Variants in ESPL1 observed in about 807,000 individuals in gnomAD.
ESPL1 encodes separin.
Under a neutral mutation model 217.2 loss-of-function variants are expected in ESPL1, and 50 were observed. The ratio of observed to expected loss-of-function variants is 0.23; its 90% CI spans 0.18 to 0.29. The LOEUF (loss-of-function observed/expected upper bound fraction) is 0.29. Ranked by LOEUF, ESPL1 falls within the 10% of genes least tolerant of loss-of-function variation. The pLI is 1.00. For missense variants in ESPL1, 1,834 were observed against 2,603.0 expected, an observed-to-expected ratio of 0.70 and a Z score of 6.43; for synonymous variants, 994 against 1,081.3, an observed-to-expected ratio of 0.92 and a Z score of 1.58.
chr12:53,277,560 G>C lies in ESPL1; in HGVS notation c.2176G>C (p.Asp726His), dbSNP rs1943792749. The change falls in exon 10 of 31, where the codon GAT (aspartate) becomes CAT (histidine). Residue 726 changes from aspartate (D) to histidine (H), a missense_variant. Transcript: ENST00000257934. Reference protein sequence around the residue: ...DLNYEDKLQEDRFLYSNIAFN... With the variant: ...DLNYEDKLQEHRFLYSNIAFN... ...GAACTATGAAGATAAACTCCAGGAA[G>C]ATCGTTTCCTATACAGTAACATTGC... 2 of 1,614,212 alleles carry C rather than the reference G, an allele frequency of 1.2e-6. No individual in the cohort carries two copies. The highest frequency in any genetic ancestry group is 4.5e-5 in the East Asian group (2 of 44,886).
At chr12:53,285,301 G>T (rs991860289) in intron 17 of ESPL1, among the ~76,000 whole-genome samples, 11 of 152,284 alleles carry the variant, frequency 7.2e-5, no homozygotes, top group Non-Finnish European at 1.3e-4. Context: ...TGAGAAAGTT[G>T]AGAAGTCTAT....
intron 5 of ESPL1, 105 bp downstream of exon 5, chr12:53,270,903 A>G: frequency 1.6e-6 from 2 of 1,284,712 alleles, no homozygotes; most frequent in East Asian, 2.3e-5. Context: ...AGGGTTCCTT[A>G]TGGTTCAAGG....
intron 9 of ESPL1, 58 bp from the exon 10 acceptor site, chr12:53,277,412 C>A (rs748372844): frequency 2.9e-5 from 46 of 1,575,620 alleles, no homozygotes; most frequent in Non-Finnish European, 3.9e-5. Context: ...TGCCGAGTAG[C>A]CAGGACGATA....
At position 53,292,137 on chromosome 12, in the gene ESPL1, C is replaced by T. The variant is rs755837520; in HGVS notation, c.5796+49C>T. ...GGGGATGACTGGCGACTGGGGAAGA[C>T]GTCAACAAAGAAGGGCAGAGAAACC... On this transcript the variant is annotated intron_variant, in intron 27 of 30. Transcript: ENST00000257934. The surrounding 1 kb of genome is among the most constrained non-coding windows in gnomAD (Gnocchi z 4.5). 3.8e-5 allele frequency: 57 copies of T among 1,507,558 alleles called. No homozygotes were observed. In the Middle Eastern group the frequency reaches 5.1e-4, roughly 14 times the overall value. The allele number at this position is 1,507,558 out of a possible 1,614,324, so 93.4% of individuals were successfully genotyped here. A position where few individuals can be genotyped will look rare whatever the true frequency, so the allele number is the denominator to read the frequency against.
At position 53,290,031 on chromosome 12, in the gene ESPL1, G is replaced by A; in HGVS notation, c.5114-54G>A. 13 of 1,587,556 alleles carry A rather than the reference G, an allele frequency of 8.2e-6. No individual in the cohort carries two copies. The South Asian group carries it at 1.1e-4, about 14-fold the overall frequency. On this transcript the variant is annotated intron_variant, in intron 22 of 30. Transcript: ENST00000257934. ...GGATAGGAATTGAGTGCCCAAGACA[G>A]GGAAGGGAATTCCTTTAACAGCTGA...
chr12:53,275,858 G>A (rs1943758340), intron 7 of ESPL1, among the ~76,000 whole-genome samples: 1 of 151,836 alleles, frequency 6.6e-6, no homozygotes, highest in South Asian at 2.1e-4. Flanking sequence ...GAGCCAGTGC[G>A]CCCAGCCTTC....
At chr12:53,276,893 T>A in intron 8 of ESPL1, 34 bp downstream of exon 8, 2 of 1,606,370 alleles carry the variant, frequency 1.2e-6, no homozygotes, top group Non-Finnish European at 1.7e-6. Context: ...CCACTCTTGC[T>A]CCTTGCCCTA....
Position 53,288,038 on chromosome 12 carries a change from C to G in ESPL1, c.4243C>G (p.Pro1415Ala). ...AGCTGAGGCCTGGCTGGCAGAGGAG[C>G]CTAAGAGACGGGGCACTGCTTCCCG... ...VSAEAWLAEE[P>A]KRRGTASRGR... The change falls in exon 19 of 31, where the codon CCT (proline) becomes GCT (alanine). Residue 1415 changes from proline to alanine, a missense_variant. Transcript: ENST00000257934. The G allele has an allele frequency of 6.2e-7, 1 of 1,613,442 alleles. No homozygotes were observed. Among genetic ancestry groups the G allele is most frequent in the Non-Finnish European group, 8.5e-7 (1 of 1,179,948 alleles).
intron 12 of ESPL1, among the ~76,000 whole-genome samples, chr12:53,280,462 C>T (rs930934726): frequency 2.0e-5 from 3 of 152,046 alleles, no homozygotes; most frequent in Admixed American, 6.6e-5. Flanking sequence ...TTTCCATTTC[C>T]ATTTCCATTT....
At chr12:53,288,452 A>G in intron 19 of ESPL1, 86 bp from the exon 20 acceptor site, 1 of 1,527,986 alleles carries the variant, frequency 6.5e-7, no homozygotes, top group Non-Finnish European at 8.8e-7. Flanking sequence ...TCTTTTGCTG[A>G]CTCTAAGGGA....
At chr12:53,279,225 T>A (rs373966725) in intron 11 of ESPL1, among the ~76,000 whole-genome samples, 1 of 152,268 alleles carries the variant, frequency 6.6e-6, no homozygotes, top group South Asian at 2.1e-4. Flanking sequence ...TCAGGGAGTT[T>A]CACAAAATTC....
intron 22 of ESPL1, 28 bp from the exon 23 acceptor site, chr12:53,290,057 A>G (rs2120993637): frequency 6.2e-7 from 1 of 1,604,286 alleles, no homozygotes; most frequent in East Asian, 2.2e-5. Flanking sequence ...TAACAGCTGA[A>G]TGAGTCTGGC....
intron 11 of ESPL1, among the ~76,000 whole-genome samples, chr12:53,279,036 C>A (rs1384131180): frequency 2.0e-5 from 3 of 152,156 alleles, no homozygotes; most frequent in Non-Finnish European, 4.4e-5. Context: ...GGACTACAGG[C>A]GCATACCACC....
intron 7 of ESPL1, among the ~76,000 whole-genome samples, chr12:53,275,811 C>T (rs1943757737): frequency 6.6e-6 from 1 of 151,174 alleles, no homozygotes; most frequent in African/African-American, 2.4e-5. Context: ...AGTGATCCTT[C>T]CACCTTGGCC....
chr12:53,291,962 C>T lies in ESPL1; in HGVS notation c.5692-22C>T, dbSNP rs376887085. The T allele has an allele frequency of 2.9e-5, 46 of 1,611,658 alleles. No homozygotes were observed. The African/African-American group carries it at 5.1e-4, about 18-fold the overall frequency. On this transcript the variant is annotated intron_variant, in intron 26 of 30. Coordinates refer to ENST00000257934, the MANE Select transcript of ESPL1 (RefSeq NM_012291.5). ...GCATATACCTGGCTGGGGACAGTAA[C>T]CTCTTAGTGCTTTTTGCCCAGGACT...
intron 13 of ESPL1, 67 bp downstream of exon 13, chr12:53,281,693 T>C: frequency 6.7e-7 from 1 of 1,482,382 alleles, no homozygotes. Flanking sequence ...TTTCTTGATA[T>C]TTGCCTGGCT....
In ESPL1 at chr12:53,272,876, T is replaced by C. The variant is rs1211365425; in HGVS notation, c.1506+19T>C. The C allele has an allele frequency of 5.6e-6, 9 of 1,612,606 alleles. No individual in the cohort carries two copies. The East Asian group carries it at 2.0e-4, about 36-fold the overall frequency. On this transcript the variant is annotated intron_variant, in intron 6 of 30. Coordinates refer to ENST00000257934, the MANE Select transcript of ESPL1 (RefSeq NM_012291.5). ...TGAGAAGGTACAAGGGAATGAGAGA[T>C]GCAGGAAAGGAGCTTATGTGGTTGG...
At chr12:53,285,027 A>AAT (rs58080274) in intron 17 of ESPL1, among the ~76,000 whole-genome samples, 1 of 136,396 alleles carries the variant, frequency 7.3e-6, no homozygotes, top group South Asian at 2.6e-4. Context: ...AAAAAAAAAA[A>AAT]GAAGAAAGAA....
intron 6 of ESPL1, 94 bp from the exon 7 acceptor site, chr12:53,274,723 A>G (rs753239624): frequency 9.8e-7 from 1 of 1,019,982 alleles, no homozygotes; most frequent in Non-Finnish European, 1.5e-6. Context: ...CCGCCCCCTC[A>G]TGTGGTGTAT....
Sources: gnomAD v4.1 joint callset for allele counts (sites outside exome capture counted in the v4.1 genomes callset) on GRCh38, gnomAD v4.1.1 for gene constraint, Gnocchi (gnomAD v3.1) non-coding constraint, MANE v1.5 for transcripts, NCBI Gene and HGNC (gene_info 2026-07-23, HGNC 2026-07-21) for gene names.